TENM1: variants seen among roughly 807,000 people sequenced by gnomAD.
TENM1 encodes the protein teneurin-1.
In TENM1, 35 loss-of-function variants were observed where a neutral mutation model predicts 174.8. The ratio of observed to expected loss-of-function variants is 0.20; its 90% CI spans 0.15 to 0.27. TENM1 has a LOEUF of 0.27. TENM1 is among the 10% of genes least tolerant of loss of function. TENM1 has a pLI of 1.00. For synonymous variants in TENM1, 781 were observed against 798.7 expected, an observed-to-expected ratio of 0.98 and a Z score of 0.37; for missense variants, 1,633 against 2,130.1, an observed-to-expected ratio of 0.77 and a Z score of 4.59.
the TENM1 span, among the ~76,000 whole-genome samples, chrX:124,978,973 C>A: frequency 8.9e-6 from 1 of 112,190 alleles, no homozygotes; most frequent in Non-Finnish European, 1.9e-5. Flanking sequence ...AGCAGAACTG[C>A]TAGCCTTCCC....
intron 5 of TENM1, among the ~76,000 whole-genome samples, chrX:124,672,783 G>A (rs2051956824): frequency 9.0e-6 from 1 of 111,455 alleles, no homozygotes; most frequent in Non-Finnish European, 1.9e-5. Context: ...AATGGCATGG[G>A]AAATATTCAT....
the TENM1 span, among the ~76,000 whole-genome samples, chrX:125,022,182 C>T: frequency 8.9e-6 from 1 of 111,919 alleles, no homozygotes; most frequent in Non-Finnish European, 1.9e-5. Flanking sequence ...AGTTTATCCA[C>T]AAGGAGAATG....
At chrX:125,042,069 T>C in the TENM1 span, among the ~76,000 whole-genome samples, 2 of 112,072 alleles carry the variant, frequency 1.8e-5, no homozygotes, top group African/African-American at 6.4e-5. Context: ...CTCTCATATC[T>C]GAATATATCG....
chrX:124,732,743 T>C (rs1361041861), intron 4 of TENM1, among the ~76,000 whole-genome samples: 1 of 111,429 alleles, frequency 9.0e-6, no homozygotes, highest in East Asian at 2.8e-4. Flanking sequence ...AAGACATCGT[T>C]ATGAGATAGT....
intron 6 of TENM1, among the ~76,000 whole-genome samples, chrX:124,664,994 C>T (rs192297644): frequency 3.0e-3 from 331 of 111,426 alleles, no homozygotes; most frequent in African/African-American, 9.2e-3. Flanking sequence ...TTGTCTATTG[C>T]GCAAGGCAAG....
intron 3 of TENM1, among the ~76,000 whole-genome samples, chrX:124,845,600 A>G (rs1052289837): frequency 9.0e-6 from 1 of 111,724 alleles, no homozygotes; most frequent in Non-Finnish European, 1.9e-5. Context: ...TCTTTCTCTA[A>G]CACAAGTAAC....
the TENM1 span, among the ~76,000 whole-genome samples, chrX:125,078,722 T>C: frequency 9.0e-6 from 1 of 111,595 alleles, no homozygotes; most frequent in African/African-American, 3.2e-5. Flanking sequence ...CTGAAGGAAA[T>C]ACACAGAAAA....
chrX:124,834,329 G>A (rs2056350047), intron 3 of TENM1, among the ~76,000 whole-genome samples: 1 of 110,996 alleles, frequency 9.0e-6, no homozygotes. Context: ...CTGCCACCAC[G>A]CCCGGCTAAT....
At chrX:124,923,271 T>C (rs1393281437) in intron 1 of TENM1, among the ~76,000 whole-genome samples, 3 of 111,821 alleles carry the variant, frequency 2.7e-5, no homozygotes, top group Admixed American at 9.5e-5. Context: ...TAATCTGATA[T>C]TGACATCCTT....
At chrX:124,952,364 GTGTGTA>G (rs1481893502) in intron 1 of TENM1, among the ~76,000 whole-genome samples, 249 of 109,349 alleles carry the variant, frequency 2.3e-3, no homozygotes, top group African/African-American at 8.3e-3. Context: ...GTGTGTGTGT[GTGTGTA>G]TGTGCATCTG....
chrX:125,203,358 C>G, the TENM1 span, among the ~76,000 whole-genome samples: 1 of 112,384 alleles, frequency 8.9e-6, no homozygotes, highest in South Asian at 3.7e-4. Context: ...CTTTTTAGAC[C>G]GAGCCTCCCA....
chrX:124,782,997 G>C (rs1255528781), intron 3 of TENM1, among the ~76,000 whole-genome samples: 1 of 111,698 alleles, frequency 9.0e-6, no homozygotes, highest in East Asian at 2.8e-4. Context: ...TCTGACATTG[G>C]GCATGGTTAT....
chrX:125,196,706 G>A, the TENM1 span, among the ~76,000 whole-genome samples: 8 of 111,665 alleles, frequency 7.2e-5, no homozygotes, highest in African/African-American at 2.3e-4. Flanking sequence ...TTTAAACACA[G>A]GTGGTAATTA....
intron 3 of TENM1, among the ~76,000 whole-genome samples, chrX:124,846,969 T>C (rs1038947330): frequency 8.9e-6 from 1 of 111,941 alleles, no homozygotes. Flanking sequence ...CTGAAATAAG[T>C]ATTTTACAGC....
chrX:124,569,821 A>C (rs2049019363), intron 11 of TENM1, among the ~76,000 whole-genome samples: 1 of 111,537 alleles, frequency 9.0e-6, no homozygotes, highest in Non-Finnish European at 1.9e-5. Flanking sequence ...AAATCAGAAA[A>C]AGAAAACCAA....
At chrX:125,076,630 T>A in the TENM1 span, among the ~76,000 whole-genome samples, 1 of 111,437 alleles carries the variant, frequency 9.0e-6, no homozygotes, top group Non-Finnish European at 1.9e-5. Context: ...GCATAGGCAG[T>A]GTTTGGATTA....
chrX:125,026,868 A>C, the TENM1 span, among the ~76,000 whole-genome samples: 1 of 112,153 alleles, frequency 8.9e-6, no homozygotes, highest in African/African-American at 3.2e-5. Context: ...TAAATTCATC[A>C]CACTTAAAAA....
chrX:125,090,631 G>C, the TENM1 span, among the ~76,000 whole-genome samples: 1 of 111,558 alleles, frequency 9.0e-6, no homozygotes, highest in Non-Finnish European at 1.9e-5. Context: ...CTCCAGGCTG[G>C]GTGACAGAGC....
chrX:124,792,695 G>GA (rs1183877597), intron 3 of TENM1, among the ~76,000 whole-genome samples: 1 of 111,553 alleles, frequency 9.0e-6, no homozygotes, highest in South Asian at 3.6e-4. Context: ...TCCCTAGGAT[G>GA]AAAAAAAACA....
Sources: allele counts gnomAD v4.1 joint callset (sites outside exome capture counted in the v4.1 genomes callset), GRCh38; gene constraint gnomAD v4.1.1; transcripts MANE v1.5; gene names NCBI Gene and HGNC (gene_info 2026-07-23, HGNC 2026-07-21).